Variants in AMOTL1 observed in about 807,000 individuals in gnomAD.
AMOTL1 encodes angiomotin like 1, also known as angiomotin-like protein 1.
Under a neutral mutation model 102.9 loss-of-function variants are expected in AMOTL1, and 45 were observed. That is an observed-to-expected ratio of 0.44 (90% CI 0.34 to 0.56). The LOEUF is 0.56. Ranked by LOEUF, AMOTL1 falls within the 20% of genes least tolerant of loss-of-function variation. The pLI, the probability that AMOTL1 is intolerant of heterozygous loss-of-function variation, is 0.01. For synonymous variants in AMOTL1, 481 were observed against 484.7 expected, an observed-to-expected ratio of 0.99 and a Z score of 0.10; for missense variants, 1,114 against 1,225.6, an observed-to-expected ratio of 0.91 and a Z score of 1.36.
At chr11:94,766,115 G>A (rs1406627484), upstream of AMOTL1, among the ~76,000 whole-genome samples, 2 of 152,152 alleles carry the variant, frequency 1.3e-5, no homozygotes, top group Non-Finnish European at 2.9e-5. Context: ...TCAATGAGAA[G>A]AATAAAATCT....
chr11:94,755,933 A>T (rs1221171591), intron 3 of AMOTL1, among the ~76,000 whole-genome samples: 1 of 148,090 alleles, frequency 6.8e-6, no homozygotes, highest in Non-Finnish European at 1.5e-5. Flanking sequence ...CTATTGTACC[A>T]GAAAAATTGG....
At chr11:94,794,241 A>G (rs1951328514) in intron 1 of AMOTL1, among the ~76,000 whole-genome samples, 1 of 152,250 alleles carries the variant, frequency 6.6e-6, no homozygotes, top group Non-Finnish European at 1.5e-5. Flanking sequence ...GTGCCCATGC[A>G]GAGGAATCAG....
At chr11:94,781,668 C>T (rs192234293) in intron 1 of AMOTL1, among the ~76,000 whole-genome samples, 62 of 152,088 alleles carry the variant, frequency 4.1e-4, no homozygotes, top group African/African-American at 1.4e-3. Flanking sequence ...AACCCCGTCT[C>T]TACTAAAAAT....
At chr11:94,771,830 TTAGGAGAGAG>T (rs2135517592) in intron 1 of AMOTL1, among the ~76,000 whole-genome samples, 2 of 152,236 alleles carry the variant, frequency 1.3e-5, no homozygotes, top group African/African-American at 4.8e-5. Flanking sequence ...CCCCCATCTT[TTAGGAGAGAG>T]TAGGAGAGTA....
chr11:94,720,841 C>A (rs533575238), intron 1 of AMOTL1, among the ~76,000 whole-genome samples: 1 of 152,124 alleles, frequency 6.6e-6, no homozygotes, highest in East Asian at 1.9e-4. Context: ...AAATGGGGTG[C>A]CTAGGGATTG....
At chr11:94,765,988 T>A (rs1268340700), upstream of AMOTL1, among the ~76,000 whole-genome samples, 1 of 152,244 alleles carries the variant, frequency 6.6e-6, no homozygotes, top group East Asian at 1.9e-4. Flanking sequence ...GTGCTTCATC[T>A]GTCATTGGTC....
chr11:94,751,818 A>G (rs544810843), intron 3 of AMOTL1, among the ~76,000 whole-genome samples: 2 of 152,094 alleles, frequency 1.3e-5, no homozygotes, highest in Non-Finnish European at 2.9e-5. Flanking sequence ...ACACGCACAC[A>G]CACACATAGG....
intron 1 of AMOTL1, among the ~76,000 whole-genome samples, chr11:94,792,998 T>A (rs1464485932): frequency 6.6e-6 from 1 of 152,018 alleles, no homozygotes; most frequent in Non-Finnish European, 1.5e-5. Context: ...AGTGCTGGGA[T>A]CCATACTGAG....
At chr11:94,772,487 T>G (rs895163119) in intron 1 of AMOTL1, among the ~76,000 whole-genome samples, 2 of 152,228 alleles carry the variant, frequency 1.3e-5, no homozygotes, top group Non-Finnish European at 1.5e-5. Context: ...TGTGAGCTTT[T>G]GAGATTGGCT....
At chr11:94,844,963 C>G (rs1273190982) in intron 6 of AMOTL1, among the ~76,000 whole-genome samples, 2 of 152,154 alleles carry the variant, frequency 1.3e-5, no homozygotes, top group African/African-American at 4.8e-5. Context: ...TCAGAAAGCC[C>G]TAGAAATTAA....
rs531142346 is a variant in AMOTL1 at position 94,872,448 on chromosome 11, A to G, written c.*1653A>G. 4.9e-4 allele frequency: 75 copies of G among 152,336 alleles called. No homozygotes were observed. Among genetic ancestry groups the G allele is most frequent in the African/African-American group, 1.7e-3 (72 of 41,574 alleles). The allele number at this position is 152,336 out of a possible 1,614,324, so 9.4% of individuals were successfully genotyped here. On this transcript the variant is annotated 3_prime_UTR_variant, in exon 13 of 13. Coordinates refer to ENST00000433060, the MANE Select transcript of AMOTL1 (RefSeq NM_130847.3). ...TAAATGAAACACTCAAGAGAGTGCT[A>G]CTCAGGAAACTTTGCTTGGATCCTA...
intron 3 of AMOTL1, among the ~76,000 whole-genome samples, chr11:94,804,105 T>C (rs1461585304): frequency 6.6e-6 from 1 of 152,244 alleles, no homozygotes; most frequent in Non-Finnish European, 1.5e-5. Context: ...AAATTATCTA[T>C]GTTTTGGCTT....
intron 11 of AMOTL1, among the ~76,000 whole-genome samples, chr11:94,868,516 C>T (rs1233711893): frequency 6.6e-6 from 1 of 152,112 alleles, no homozygotes; most frequent in Admixed American, 6.5e-5. Context: ...AAGGAGAGGG[C>T]TAAGTGGCCT....
Position 94,830,138 on chromosome 11 carries a change from G to A in AMOTL1, c.1502G>A (p.Arg501Lys). 6.2e-7 allele frequency: 1 copy of A among 1,611,196 alleles called. No homozygotes were observed. Among genetic ancestry groups the A allele is most frequent in the Non-Finnish European group, 8.5e-7 (1 of 1,178,696 alleles). ...TKRESLDKAM[R>K]NKLEGEIRRL... The stretch of plus-strand genomic sequence containing the variant: ...CGAGAATCGCTGGACAAGGCCATGA[G>A]AAACAAATTGGAAGGCGAGATTAGA... Residue 501 changes from arginine to lysine, a missense_variant, in exon 5 of 13, where the codon AGA (arginine) becomes AAA (lysine). Physicochemically the swap from Arg to Lys is conservative, Grantham distance 26 (BLOSUM62 2). Coordinates refer to ENST00000433060, the MANE Select transcript of AMOTL1 (RefSeq NM_130847.3).
chr11:94,710,107 A>G (rs1949999081), intron 1 of AMOTL1, among the ~76,000 whole-genome samples: 1 of 152,158 alleles, frequency 6.6e-6, no homozygotes, highest in Admixed American at 6.5e-5. Flanking sequence ...TCCTCATACA[A>G]GGCTCTGCTG....
In AMOTL1 at chr11:94,785,183, C is replaced by CT. The variant is rs1352950996; in HGVS notation, c.50-9825dup. Among the ~76,000 whole-genome samples, 6 of 152,258 alleles carry CT rather than the reference C, an allele frequency of 3.9e-5. No individual in the cohort carries two copies. In the East Asian group the frequency reaches 1.2e-3, roughly 29 times the overall value. On this transcript the variant is annotated intron_variant, in intron 1 of 12. Transcript: ENST00000433060. ...AATAAACTTTCCCAGGACCTTTCCCCTTTATCCACAAGTTAAGAATATTTC... is the reference window on the plus strand; with the variant it reads ...AATAAACTTTCCCAGGACCTTTCCCCTTTTATCCACAAGTTAAGAATATTTC...
chr11:94,836,345 C>T (rs1952180426), intron 6 of AMOTL1, among the ~76,000 whole-genome samples: 1 of 152,172 alleles, frequency 6.6e-6, no homozygotes, highest in Non-Finnish European at 1.5e-5. Context: ...TGCAGCTGCT[C>T]CTGACTCTGG....
intron 1 of AMOTL1, among the ~76,000 whole-genome samples, chr11:94,712,915 C>A (rs1026084887): frequency 1.3e-5 from 2 of 151,884 alleles, no homozygotes; most frequent in African/African-American, 4.8e-5. Context: ...TTGCCTAGCC[C>A]CAGTTCCCAA....
intron 3 of AMOTL1, among the ~76,000 whole-genome samples, chr11:94,760,026 G>A (rs1424268434): frequency 6.6e-6 from 1 of 152,162 alleles, no homozygotes; most frequent in African/African-American, 2.4e-5. Context: ...TCTGGAGCGG[G>A]GCCCTGCAAT....
Sources: allele counts gnomAD v4.1 joint callset (sites outside exome capture counted in the v4.1 genomes callset), GRCh38; gene constraint gnomAD v4.1.1; transcripts MANE v1.5; gene names NCBI Gene and HGNC (gene_info 2026-07-23, HGNC 2026-07-21).